The following CFAP99 variants were observed in gnomAD, a reference collection of about 807,000 sequenced individuals.
CFAP99 encodes the protein cilia and flagella associated protein 99, also known as cilia- and flagella-associated protein 99.
A neutral mutation model predicts 82.7 loss-of-function variants in CFAP99; 84 were observed. That is an observed-to-expected ratio of 1.02 (90% confidence interval 0.85 to 1.22). The LOEUF (loss-of-function observed/expected upper bound fraction) is 1.22, where lower values mean the gene tolerates loss of function less well. Among genes scored for constraint, CFAP99 ranks in the 50% most tolerant of loss-of-function variants. The pLI is 0.00. For missense variants in CFAP99, 1,059 were observed against 983.5 expected, an observed-to-expected ratio of 1.08 and a Z score of -1.03; for synonymous variants, 456 against 429.5, an observed-to-expected ratio of 1.06 and a Z score of -0.76.
At chr4:2,447,844 GGA>G (rs1168935753) in intron 6 of CFAP99, among the ~76,000 whole-genome samples, 3 of 151,248 alleles carry the variant, frequency 2.0e-5, no homozygotes, top group African/African-American at 7.3e-5. Flanking sequence ...ATGGATGGAT[GGA>G]TGGATGGATG....
At chr4:2,429,229 G>A (rs1219795470) in intron 2 of CFAP99, 1 of 152,214 alleles carries the variant, frequency 6.6e-6, no homozygotes, top group Admixed American at 6.5e-5. Flanking sequence ...AGGGAAAGGG[G>A]TGTGTGTTTA....
intron 11 of CFAP99, 52 bp from the exon 12 acceptor site, chr4:2,458,671 C>A: frequency 2.0e-6 from 3 of 1,502,024 alleles, no homozygotes; most frequent in Non-Finnish European, 2.7e-6. Context: ...CGGGACCAGG[C>A]AGGGAAGCCG....
chr4:2,451,430 G>A (rs2108731108), intron 10 of CFAP99, 78 bp downstream of exon 10: 2 of 1,410,272 alleles, frequency 1.4e-6, no homozygotes, highest in East Asian at 2.5e-5. Flanking sequence ...GGGGCCTGGG[G>A]GCTGGGCAGC....
chr4:2,450,505 G>A, intron 8 of CFAP99: 1 of 282,774 alleles, frequency 3.5e-6, no homozygotes, highest in Non-Finnish European at 6.9e-6. Flanking sequence ...TCAGAGGGGT[G>A]GCCTTTGCAG....
rs1578479113 is a variant in CFAP99 at position 2,451,066 on chromosome 4, C to T, written c.867+48C>T. 3 of 1,445,392 alleles carry T rather than the reference C, an allele frequency of 2.1e-6. No homozygotes were observed. The East Asian group carries it at 7.6e-5, about 37-fold the overall frequency. The allele number at this position is 1,445,392 out of a possible 1,614,324, so 89.5% of individuals were successfully genotyped here. A position where few individuals can be genotyped will look rare whatever the true frequency, so the allele number is the denominator to read the frequency against. On this transcript the variant is annotated intron_variant, in intron 9 of 14. Coordinates refer to ENST00000635017, the Ensembl canonical transcript of CFAP99. ...CAGGCTGCTCTCCCTGGGCACCCAC[C>T]CCTCCAGACCTTTTCTGCCCGTAGA...
In CFAP99 at chr4:2,446,931, G is replaced by C. The variant is rs574372473; in HGVS notation, c.642+1623G>C. On this transcript the variant is annotated intron_variant, in intron 6 of 14. Coordinates refer to ENST00000635017, the Ensembl canonical transcript of CFAP99. This position sits in a 1 kb window ranked among gnomAD's most constrained non-coding sequence, Gnocchi z 5.0. ...TGAATGGATGGGTATGTGGGTAAGT[G>C]GGTGGATGGATGTCAAATGGATGAA... 1.3e-5 allele frequency among the ~76,000 whole-genome samples: 2 copies of C among 152,000 alleles called. No homozygotes were observed. The highest frequency in any genetic ancestry group is 2.9e-5 in the Non-Finnish European group (2 of 68,014).
Position 2,460,024 on chromosome 4 carries a change from T to G in CFAP99, c.1456-13T>G. On this transcript the variant is annotated splice_polypyrimidine_tract_variant and intron_variant, in intron 13 of 14. Transcript: ENST00000635017. ...ACAGCTCCCAGCTTGGGGCCTCCCCTACCACCCCACAGATCCCCGGCTACG... is the reference window on the plus strand; with the variant it reads ...ACAGCTCCCAGCTTGGGGCCTCCCCGACCACCCCACAGATCCCCGGCTACG... The G allele has an allele frequency of 6.5e-7, 1 of 1,535,346 alleles. No individual in the cohort carries two copies. The highest frequency in any genetic ancestry group is 1.2e-5 in the South Asian group (1 of 83,982).
chr4:2,451,427 G>C, intron 10 of CFAP99, 75 bp downstream of exon 10: 1 of 1,433,394 alleles, frequency 7.0e-7, no homozygotes, highest in Non-Finnish European at 9.4e-7. Context: ...GGAGGGGCCT[G>C]GGGGCTGGGC....
At chr4:2,421,805 G>C (rs1328572143) in intron 1 of CFAP99, among the ~76,000 whole-genome samples, 1 of 151,710 alleles carries the variant, frequency 6.6e-6, no homozygotes, top group African/African-American at 2.4e-5. Context: ...ACTTTGGAAT[G>C]CTCAGGTGGG....
chr4:2,443,712 G>A (rs961618396), intron 5 of CFAP99, among the ~76,000 whole-genome samples: 1 of 152,172 alleles, frequency 6.6e-6, no homozygotes, highest in Admixed American at 6.5e-5. Flanking sequence ...TCAGTTCCTG[G>A]TGGATTCTGG....
intron 1 of CFAP99, among the ~76,000 whole-genome samples, chr4:2,423,761 A>T (rs1733628475): frequency 6.6e-6 from 1 of 152,072 alleles, no homozygotes; most frequent in African/African-American, 2.4e-5. Context: ...TGCGGGTTTA[A>T]TGGCTTCTGA....
intron 2 of CFAP99, among the ~76,000 whole-genome samples, chr4:2,434,878 C>A (rs918690036): frequency 1.3e-5 from 2 of 152,200 alleles, no homozygotes; most frequent in South Asian, 4.1e-4. Context: ...GTGGGAATGG[C>A]CCTATTTGCA....
intron 11 of CFAP99, among the ~76,000 whole-genome samples, chr4:2,456,426 C>T (rs901640732): frequency 3.3e-5 from 5 of 152,098 alleles, no homozygotes; most frequent in East Asian, 1.9e-4. Flanking sequence ...CCTGTAGTCA[C>T]GGCACTTTGG....
chr4:2,451,744 G>A (rs3888075), intron 10 of CFAP99, among the ~76,000 whole-genome samples: 1,530 of 11,426 alleles, frequency 0.13, 12 homozygotes, highest in Admixed American at 0.26. Context: ...GGCTGTGGGG[G>A]GAGCATGGGT....
chr4:2,425,553 T>C (rs4292391), intron 1 of CFAP99, among the ~76,000 whole-genome samples: 25,119 of 152,042 alleles, frequency 0.17, 2,303 homozygotes, highest in African/African-American at 0.24. Flanking sequence ...TGGTGGCCCT[T>C]CAAGCCCAGC....
At chr4:2,460,280 C>G in intron 14 of CFAP99, 38 bp downstream of exon 14, 5 of 1,518,966 alleles carry the variant, frequency 3.3e-6, no homozygotes, top group Non-Finnish European at 4.4e-6. Flanking sequence ...TCTGGGTGGA[C>G]AGGGAGCATG....
In CFAP99 at chr4:2,448,266, ATC is replaced by A. The variant is rs1160560205; in HGVS notation, c.643-1394_643-1393del. ...TGTCTCAGGTCATGCTGCCAACTTC[ATC>A]TCTCTCTCTGTCTCTGCCAAGCACA... On this transcript the variant is annotated intron_variant, in intron 6 of 14. Coordinates refer to ENST00000635017, the Ensembl canonical transcript of CFAP99. The surrounding 1 kb of genome is among the most constrained non-coding windows in gnomAD (Gnocchi z 5.2). Among the ~76,000 whole-genome samples the A allele has an allele frequency of 1.3e-5, 2 of 152,042 alleles. No homozygotes were observed. The highest frequency in any genetic ancestry group is 2.9e-5 in the Non-Finnish European group (2 of 67,990).
intron 1 of CFAP99, among the ~76,000 whole-genome samples, chr4:2,419,834 G>A (rs10017671): frequency 0.02 from 3,091 of 151,956 alleles, 84 homozygotes; most frequent in African/African-American, 0.065. Flanking sequence ...CCACCCAGTC[G>A]ACCCTCTGAA....
chr4:2,456,867 G>A (rs1348485638), intron 11 of CFAP99, among the ~76,000 whole-genome samples: 1 of 151,680 alleles, frequency 6.6e-6, no homozygotes, highest in Non-Finnish European at 1.5e-5. Flanking sequence ...ACCCAGAATA[G>A]CTGTACTAGT....
Sources: gnomAD v4.1 joint callset for allele counts (sites outside exome capture counted in the v4.1 genomes callset) on GRCh38, gnomAD v4.1.1 for gene constraint, Gnocchi (gnomAD v3.1) non-coding constraint, MANE v1.5 for transcripts, NCBI Gene and HGNC (gene_info 2026-07-23, HGNC 2026-07-21) for gene names.